C10orf90: variants seen among roughly 807,000 people sequenced by gnomAD.
C10orf90 encodes the protein (E2-independent) E3 ubiquitin-conjugating enzyme FATS.
C10orf90 carries 56 observed loss-of-function variants against 62.5 expected under a neutral mutation model. The ratio of observed to expected loss-of-function variants is 0.90; its 90% CI spans 0.72 to 1.12. The LOEUF (loss-of-function observed/expected upper bound fraction) is 1.12. Ranked by LOEUF, C10orf90 falls within the 50% of genes most tolerant of loss-of-function variation. The pLI, the probability that C10orf90 is intolerant of heterozygous loss-of-function variation, is 0.00. For missense variants in C10orf90, 970 were observed against 880.4 expected (o/e 1.10, Z -1.29); for synonymous variants, 386 against 340.4 (o/e 1.13, Z -1.47).
intron 2 of C10orf90, among the ~76,000 whole-genome samples, chr10:126,610,022 C>T (rs999675413): frequency 6.6e-6 from 1 of 152,156 alleles, no homozygotes. Context: ...CTGTCAGCTC[C>T]TCCAGGGGCC....
At chr10:126,665,202 G>C (rs557845704) in intron 1 of C10orf90, among the ~76,000 whole-genome samples, 38 of 152,300 alleles carry the variant, frequency 2.5e-4, no homozygotes, top group African/African-American at 8.9e-4. Flanking sequence ...CTTCACTGCA[G>C]TCAGAGCCAT....
At chr10:126,626,711 C>T (rs1228396494) in intron 2 of C10orf90, among the ~76,000 whole-genome samples, 3 of 152,104 alleles carry the variant, frequency 2.0e-5, no homozygotes, top group Non-Finnish European at 2.9e-5. Context: ...TCACAGGGAT[C>T]GATACAGTGA....
intron 4 of C10orf90, among the ~76,000 whole-genome samples, chr10:126,500,503 G>A (rs1433920991): frequency 6.6e-6 from 1 of 152,180 alleles, no homozygotes; most frequent in African/African-American, 2.4e-5. Flanking sequence ...TTGTGGTTAT[G>A]AATAAGATGA....
chr10:126,472,285 C>T (rs1247378614), intron 4 of C10orf90, among the ~76,000 whole-genome samples: 3 of 152,056 alleles, frequency 2.0e-5, no homozygotes, highest in Non-Finnish European at 4.4e-5. Context: ...GTAAAGAAAA[C>T]CTGACCTATA....
chr10:126,468,700 C>A (rs1014050841), intron 4 of C10orf90, among the ~76,000 whole-genome samples: 5 of 152,250 alleles, frequency 3.3e-5, no homozygotes, highest in African/African-American at 1.2e-4. Flanking sequence ...GAAATGTGAG[C>A]CCTGTGGAAA....
intron 4 of C10orf90, among the ~76,000 whole-genome samples, chr10:126,466,104 G>A (rs1467760420): frequency 1.3e-5 from 2 of 151,978 alleles, no homozygotes; most frequent in Non-Finnish European, 2.9e-5. Context: ...TTTTAAGTAA[G>A]GGAGGGACTG....
intron 2 of C10orf90, among the ~76,000 whole-genome samples, chr10:126,633,761 C>T (rs543694209): frequency 1.2e-4 from 19 of 152,286 alleles, no homozygotes; most frequent in African/African-American, 2.4e-4. Flanking sequence ...TCCCCCAACA[C>T]GCAGGAAACA....
intron 2 of C10orf90, among the ~76,000 whole-genome samples, chr10:126,606,869 A>T (rs1845323604): frequency 6.6e-6 from 1 of 152,198 alleles, no homozygotes; most frequent in Non-Finnish European, 1.5e-5. Flanking sequence ...GTAACTGATG[A>T]TCCTCATGAC....
At chr10:126,647,571 T>A (rs1190562301) in intron 1 of C10orf90, among the ~76,000 whole-genome samples, 1 of 152,212 alleles carries the variant, frequency 6.6e-6, no homozygotes, top group African/African-American at 2.4e-5. Flanking sequence ...GATCCCATAG[T>A]GGAAGAGACA....
intron 1 of C10orf90, among the ~76,000 whole-genome samples, chr10:126,665,043 G>C (rs750553056): frequency 1.3e-5 from 2 of 152,154 alleles, no homozygotes; most frequent in African/African-American, 4.8e-5. Flanking sequence ...GCTTCTAGGA[G>C]GAGCCCCAGC....
intron 1 of C10orf90, among the ~76,000 whole-genome samples, chr10:126,661,668 CT>C (rs1433252201): frequency 6.9e-6 from 1 of 145,492 alleles, no homozygotes; most frequent in African/African-American, 2.5e-5. Context: ...TGCTCTCTCT[CT>C]CTTTTTTTTT....
chr10:126,528,220 G>C (rs1264621784), intron 2 of C10orf90, among the ~76,000 whole-genome samples: 5 of 152,122 alleles, frequency 3.3e-5, no homozygotes, highest in Admixed American at 3.3e-4. Flanking sequence ...CAGGCCTCAG[G>C]AACAGGAAAA....
chr10:126,604,697 T>G (rs1845270177), intron 2 of C10orf90, among the ~76,000 whole-genome samples: 1 of 152,228 alleles, frequency 6.6e-6, no homozygotes, highest in Admixed American at 6.5e-5. Flanking sequence ...AAGGCTGAGA[T>G]TCTGATAAGA....
intron 2 of C10orf90, among the ~76,000 whole-genome samples, chr10:126,576,822 A>G (rs1449697966): frequency 1.3e-5 from 2 of 148,740 alleles, no homozygotes; most frequent in Admixed American, 1.3e-4. Flanking sequence ...AGCCATAAAA[A>G]GAATAAAATC....
chr10:126,639,079 G>C (rs552953200), intron 2 of C10orf90, among the ~76,000 whole-genome samples: 1 of 152,194 alleles, frequency 6.6e-6, no homozygotes, highest in East Asian at 1.9e-4. Context: ...TAAAAACCCA[G>C]CAAACTCCAA....
chr10:126,469,950 A>G (rs1305838067), intron 4 of C10orf90: 1 of 456,604 alleles, frequency 2.2e-6, no homozygotes, highest in African/African-American at 2.0e-5. Flanking sequence ...TCTGCATGCA[A>G]TAAATACGTT....
In C10orf90 at chr10:126,473,644, T is replaced by G. The variant is rs78904479; in HGVS notation, c.1535-8658A>C. On this transcript the variant is annotated intron_variant, in intron 4 of 9. Coordinates refer to ENST00000488181, the MANE Select transcript of C10orf90 (RefSeq NM_001350921.2). The stretch of plus-strand genomic sequence containing the variant: ...CTCCCCCAGGCTGCCCACCTCTGGA[T>G]TTTTATTTTTTTTTTACAATAGATA... Among the ~76,000 whole-genome samples, 514 of 146,204 alleles carry G rather than the reference T, an allele frequency of 3.5e-3. 11 individuals carry two copies. In the East Asian group the frequency reaches 0.048, roughly 14 times the overall value.
chr10:126,544,445 G>A (rs35269910), intron 2 of C10orf90, among the ~76,000 whole-genome samples: 32,603 of 151,954 alleles, frequency 0.21, 4,128 homozygotes, highest in Middle Eastern at 0.38. Flanking sequence ...GGGCCATTGC[G>A]TGAAATAACA....
intron 8 of C10orf90, among the ~76,000 whole-genome samples, 193 bp from the exon 9 acceptor site, chr10:126,426,283 A>G (rs1857260920): frequency 6.6e-6 from 1 of 152,208 alleles, no homozygotes; most frequent in African/African-American, 2.4e-5. Context: ...ATAGCAGGGG[A>G]TGGCACCTTG....
Sources: allele counts gnomAD v4.1 joint callset (sites outside exome capture counted in the v4.1 genomes callset), GRCh38; gene constraint gnomAD v4.1.1; transcripts MANE v1.5; gene names NCBI Gene and HGNC (gene_info 2026-07-23, HGNC 2026-07-21).